Variants in PXDNL observed in about 807,000 individuals in gnomAD.
PXDNL encodes peroxidasin like.
In PXDNL, 145 loss-of-function variants were observed where a neutral mutation model predicts 150.8. The observed-to-expected ratio is 0.96, with a 90% CI of 0.84 to 1.10. The LOEUF (loss-of-function observed/expected upper bound fraction) is 1.10. Among genes scored for constraint, PXDNL ranks in the 50% least tolerant of loss-of-function variants. PXDNL has a pLI of 0.00. For missense variants in PXDNL, 2,087 were observed against 1,873.9 expected (o/e 1.11, Z -2.10); for synonymous variants, 757 against 725.7 (o/e 1.04, Z -0.69).
At chr8:51,629,016 G>A (rs1268250163) in intron 2 of PXDNL, among the ~76,000 whole-genome samples, 2 of 151,922 alleles carry the variant, frequency 1.3e-5, no homozygotes, top group East Asian at 3.9e-4. Context: ...TTTGCAAAAG[G>A]CACTAATGAA....
chr8:51,518,354 T>C (rs570115243), intron 4 of PXDNL, among the ~76,000 whole-genome samples: 45 of 152,304 alleles, frequency 3.0e-4, no homozygotes, highest in African/African-American at 1.1e-3. Flanking sequence ...GAGAATCAAG[T>C]GTTTCTATGC....
intron 1 of PXDNL, among the ~76,000 whole-genome samples, chr8:51,677,235 G>A (rs186915691): frequency 6.6e-6 from 1 of 152,166 alleles, no homozygotes; most frequent in African/African-American, 2.4e-5. Flanking sequence ...CATACCTCTT[G>A]GTCATTATCA....
rs1220336274 is a variant in PXDNL, at chr8:51,600,064, T to G, written c.237-7366A>C. Among the ~76,000 whole-genome samples the G allele has an allele frequency of 5.1e-5, 7 of 136,724 alleles. No individual in the cohort carries two copies. In the Admixed American group the frequency reaches 5.3e-4, roughly 10 times the overall value. 89.7% of individuals were successfully genotyped at this position (136,724 alleles called of 152,430 possible). A position where few individuals can be genotyped will look rare whatever the true frequency, so the allele number is the denominator to read the frequency against. On this transcript the variant is annotated intron_variant, in intron 2 of 22. Transcript: ENST00000356297. ...TAAATGACATCGTTTAGATAATAAA[T>G]TATACCTTATATAAATGACATCGTT...
intron 8 of PXDNL, among the ~76,000 whole-genome samples, chr8:51,465,045 C>T (rs1470101391): frequency 6.6e-6 from 1 of 152,084 alleles, no homozygotes; most frequent in Non-Finnish European, 1.5e-5. Context: ...TCCTCCCTCG[C>T]TCATTCTATG....
intron 4 of PXDNL, among the ~76,000 whole-genome samples, chr8:51,548,536 C>T (rs1269567549): frequency 2.0e-5 from 3 of 152,116 alleles, no homozygotes; most frequent in African/African-American, 7.2e-5. Context: ...CTATCTTTAG[C>T]CTCCTTAAAC....
intron 1 of PXDNL, among the ~76,000 whole-genome samples, chr8:51,699,895 T>C (rs1438001323): frequency 1.3e-5 from 2 of 152,158 alleles, no homozygotes; most frequent in Non-Finnish European, 2.9e-5. Flanking sequence ...TATATGGACA[T>C]GGTTCGTAGC....
chr8:51,428,684 C>T (rs1439369394), intron 12 of PXDNL, among the ~76,000 whole-genome samples: 2 of 152,254 alleles, frequency 1.3e-5, no homozygotes, highest in East Asian at 3.9e-4. Flanking sequence ...TTACCTAAGT[C>T]TCATACTTTA....
At chr8:51,770,969 C>T (rs1364500068) in intron 1 of PXDNL, among the ~76,000 whole-genome samples, 1 of 152,192 alleles carries the variant, frequency 6.6e-6, no homozygotes, top group Non-Finnish European at 1.5e-5. Context: ...CCAGCCATCA[C>T]AGACACATGG....
Position 51,486,779 on chromosome 8 carries a change from TATATATATA to T in PXDNL, c.453-3074_453-3066del, listed in dbSNP as rs1373229801. On this transcript the variant is annotated intron_variant, in intron 5 of 22. Transcript: ENST00000356297. ...ATATATATATATATATATATATATA[TATATATATA>T]TATATATTTTTTTTTTTTTTTTTTT... is the stretch of plus-strand genomic sequence containing the variant. Among the ~76,000 whole-genome samples the T allele has an allele frequency of 7.4e-3, 110 of 14,910 alleles. 2 individuals carry two copies. Among genetic ancestry groups the T allele is most frequent in the East Asian group, 0.015 (6 of 400 alleles). The allele number at this position is 14,910 out of a possible 152,430, so 9.8% of individuals were successfully genotyped here.
At chr8:51,325,687 G>A (rs768951853) in intron 21 of PXDNL, among the ~76,000 whole-genome samples, 3 of 152,170 alleles carry the variant, frequency 2.0e-5, no homozygotes, top group Non-Finnish European at 2.9e-5. Flanking sequence ...GCTGGGTTAG[G>A]ACGGAAGCCC....
At chr8:51,571,126 A>G (rs2130592854) in intron 3 of PXDNL, among the ~76,000 whole-genome samples, 1 of 151,826 alleles carries the variant, frequency 6.6e-6, no homozygotes, top group Admixed American at 6.6e-5. Context: ...TAAGCCAATG[A>G]CAGTAAAATT....
intron 17 of PXDNL, among the ~76,000 whole-genome samples, chr8:51,377,416 C>T (rs574845886): frequency 6.6e-6 from 1 of 152,184 alleles, no homozygotes; most frequent in African/African-American, 2.4e-5. Context: ...CCACTCTGGC[C>T]GTGCTTGAGG....
At chr8:51,470,778 C>G (rs1477874532) in intron 8 of PXDNL, among the ~76,000 whole-genome samples, 1 of 151,996 alleles carries the variant, frequency 6.6e-6, no homozygotes, top group East Asian at 1.9e-4. Context: ...AACTGGCTAG[C>G]CATATTCAGA....
chr8:51,550,287 A>C (rs1422350900), intron 4 of PXDNL, among the ~76,000 whole-genome samples: 1 of 152,174 alleles, frequency 6.6e-6, no homozygotes, highest in African/African-American at 2.4e-5. Context: ...ATCCTACTGA[A>C]ACTATTCCAA....
chr8:51,393,125 C>A lies in PXDNL; in HGVS notation c.3557+14942G>T, dbSNP rs147861631. On this transcript the variant is annotated intron_variant, in intron 17 of 22. Transcript: ENST00000356297. ...TGAAATGAAAAGGAAAGAATTGCTA[C>A]CTATAGAAAGACAGGTTTCCACCTT... Among the ~76,000 whole-genome samples the A allele has an allele frequency of 8.5e-4, 129 of 152,234 alleles. 1 individual carries two copies. In the East Asian group the frequency reaches 0.024, roughly 29 times the overall value.
At chr8:51,717,264 C>T (rs1051760123) in intron 1 of PXDNL, among the ~76,000 whole-genome samples, 1 of 152,136 alleles carries the variant, frequency 6.6e-6, no homozygotes, top group South Asian at 2.1e-4. Flanking sequence ...GAAAACAGAG[C>T]TTGAGATAAA....
At chr8:51,650,117 A>AAAT (rs1310395981) in intron 2 of PXDNL, among the ~76,000 whole-genome samples, 1 of 151,642 alleles carries the variant, frequency 6.6e-6, no homozygotes, top group East Asian at 1.9e-4. Flanking sequence ...AAAAAAAAAA[A>AAAT]AAAATTCCAG....
chr8:51,616,999 T>C (rs2130726933), intron 2 of PXDNL, among the ~76,000 whole-genome samples: 1 of 152,346 alleles, frequency 6.6e-6, no homozygotes, highest in South Asian at 2.1e-4. Context: ...TTGGTTGAAC[T>C]CTGAGAATCA....
intron 19 of PXDNL, among the ~76,000 whole-genome samples, chr8:51,362,689 T>C (rs539332567): frequency 6.6e-6 from 1 of 152,260 alleles, no homozygotes; most frequent in South Asian, 2.1e-4. Flanking sequence ...CCTTTAGAAG[T>C]ACAGATTTGG....
Sources: allele counts gnomAD v4.1 joint callset (sites outside exome capture counted in the v4.1 genomes callset), GRCh38; gene constraint gnomAD v4.1.1; transcripts MANE v1.5; gene names NCBI Gene and HGNC (gene_info 2026-07-23, HGNC 2026-07-21).